ROBO2: variants seen among roughly 807,000 people sequenced by gnomAD.
The protein encoded by ROBO2 is roundabout guidance receptor 2.
Under a neutral mutation model 160.8 loss-of-function variants are expected in ROBO2, and 53 were observed. The observed-to-expected ratio is 0.33, with a 90% CI of 0.26 to 0.41. The LOEUF (loss-of-function observed/expected upper bound fraction) is 0.41, where lower values mean the gene tolerates loss of function less well. ROBO2 is among the 10% of genes least tolerant of loss of function. ROBO2 has a pLI of 1.00. For missense variants in ROBO2, 1,577 were observed against 1,722.4 expected (o/e 0.92, Z 1.49); for synonymous variants, 664 against 611.7 (o/e 1.09, Z -1.26).
intron 2 of ROBO2, among the ~76,000 whole-genome samples, chr3:76,590,720 AT>A (rs2086362605): frequency 6.6e-6 from 1 of 152,036 alleles, no homozygotes; most frequent in Non-Finnish European, 1.5e-5. Flanking sequence ...ATATTTTTTT[AT>A]TTATGTGGGT....
chr3:76,293,584 GA>G (rs997664512), intron 2 of ROBO2, among the ~76,000 whole-genome samples: 14 of 152,326 alleles, frequency 9.2e-5, no homozygotes, highest in African/African-American at 3.4e-4. Context: ...ACAGGGAGTA[GA>G]AGGGTAAGAC....
At chr3:77,454,365 C>T (rs1226183847) in intron 2 of ROBO2, among the ~76,000 whole-genome samples, 2 of 152,142 alleles carry the variant, frequency 1.3e-5, no homozygotes, top group African/African-American at 2.4e-5. Context: ...CTACACATTT[C>T]CACTGTCGTA....
At chr3:76,477,715 C>T (rs3849498) in intron 2 of ROBO2, among the ~76,000 whole-genome samples, 78,692 of 151,676 alleles carry the variant, frequency 0.52, 20,635 homozygotes, top group East Asian at 0.6. Flanking sequence ...TTCAAACTTC[C>T]AGACTCTCAT....
intron 2 of ROBO2, among the ~76,000 whole-genome samples, chr3:76,217,534 C>T (rs1293114379): frequency 6.6e-6 from 1 of 152,154 alleles, no homozygotes; most frequent in African/African-American, 2.4e-5. Context: ...ACTATAAAAA[C>T]CTCTACGCAA....
At chr3:76,168,858 A>C (rs548259379) in intron 2 of ROBO2, among the ~76,000 whole-genome samples, 1 of 151,886 alleles carries the variant, frequency 6.6e-6, no homozygotes, top group African/African-American at 2.4e-5. Context: ...GAAATTGTGA[A>C]TATTGATTGC....
At chr3:76,061,017 C>T (rs916973631) in intron 2 of ROBO2, among the ~76,000 whole-genome samples, 1 of 152,092 alleles carries the variant, frequency 6.6e-6, no homozygotes, top group African/African-American at 2.4e-5. Flanking sequence ...AAACTCCACT[C>T]GATTTCAGGA....
intron 8 of ROBO2, among the ~76,000 whole-genome samples, chr3:77,554,710 C>T (rs2093046951): frequency 6.6e-6 from 1 of 151,904 alleles, no homozygotes; most frequent in African/African-American, 2.4e-5. Flanking sequence ...GACTAAATGG[C>T]TACAGTCACA....
intron 2 of ROBO2, among the ~76,000 whole-genome samples, chr3:76,041,843 C>A (rs889962772): frequency 1.3e-5 from 2 of 151,822 alleles, no homozygotes; most frequent in African/African-American, 4.9e-5. Context: ...ATGATTTTGT[C>A]TGTAATGGCG....
At chr3:76,689,801 C>A (rs1411269809) in intron 2 of ROBO2, among the ~76,000 whole-genome samples, 1 of 152,110 alleles carries the variant, frequency 6.6e-6, no homozygotes, top group Non-Finnish European at 1.5e-5. Flanking sequence ...TTCCTCTTTG[C>A]CCATCCAGTT....
At chr3:76,116,587 G>A (rs1338898755) in intron 2 of ROBO2, among the ~76,000 whole-genome samples, 1 of 152,142 alleles carries the variant, frequency 6.6e-6, no homozygotes, top group East Asian at 1.9e-4. Flanking sequence ...CTGTGTAGGA[G>A]ATATTAAACA....
At chr3:76,892,993 C>A (rs55638112) in intron 2 of ROBO2, among the ~76,000 whole-genome samples, 46,376 of 151,996 alleles carry the variant, frequency 0.31, 7,722 homozygotes, top group Non-Finnish European at 0.36. Context: ...TGTGGCCAAC[C>A]TCCTACCTCA....
At chr3:76,167,529 G>C (rs1435196912) in intron 2 of ROBO2, among the ~76,000 whole-genome samples, 2 of 152,024 alleles carry the variant, frequency 1.3e-5, no homozygotes, top group Non-Finnish European at 2.9e-5. Flanking sequence ...GTCATATCAT[G>C]CACGTCATGC....
chr3:76,489,145 CT>C (rs1424456786), intron 2 of ROBO2, among the ~76,000 whole-genome samples: 2 of 111,364 alleles, frequency 1.8e-5, no homozygotes, highest in South Asian at 3.1e-4. Flanking sequence ...GTACTGACTT[CT>C]TTTTTTTGTT....
intron 2 of ROBO2, among the ~76,000 whole-genome samples, chr3:77,327,411 C>CTCTA (rs2065513236): frequency 1.3e-5 from 2 of 152,116 alleles, no homozygotes; most frequent in Admixed American, 1.3e-4. Context: ...AGAGAAAGAA[C>CTCTA]TAGATAAATA....
At chr3:77,011,032 C>CT (rs1211157797) in intron 2 of ROBO2, among the ~76,000 whole-genome samples, 1 of 114,498 alleles carries the variant, frequency 8.7e-6, no homozygotes, top group Non-Finnish European at 1.8e-5. Flanking sequence ...TCTGTCGGTT[C>CT]TTTCTTTTCT....
chr3:77,587,786 T>C (rs1378245596), intron 16 of ROBO2, among the ~76,000 whole-genome samples: 1 of 152,106 alleles, frequency 6.6e-6, no homozygotes, highest in African/African-American at 2.4e-5. Context: ...GTGCCATTTA[T>C]ATTTTGCTTA....
chr3:76,523,572 T>C (rs1374466127), intron 2 of ROBO2, among the ~76,000 whole-genome samples: 1 of 152,162 alleles, frequency 6.6e-6, no homozygotes. Context: ...TCCTCTTCTG[T>C]ATAGAGCTCA....
chr3:76,543,266 G>A (rs2082912493), intron 2 of ROBO2, among the ~76,000 whole-genome samples: 1 of 152,118 alleles, frequency 6.6e-6, no homozygotes, highest in Non-Finnish European at 1.5e-5. Flanking sequence ...AACCCACAAT[G>A]TGACTGTATT....
intron 2 of ROBO2, among the ~76,000 whole-genome samples, chr3:76,446,053 G>A (rs1197057747): frequency 6.6e-6 from 1 of 152,106 alleles, no homozygotes; most frequent in Non-Finnish European, 1.5e-5. Flanking sequence ...AATCAGGCAG[G>A]AGAAAGAAAT....
Sources: gnomAD v4.1 joint callset for allele counts (sites outside exome capture counted in the v4.1 genomes callset) on GRCh38, gnomAD v4.1.1 for gene constraint, MANE v1.5 for transcripts, NCBI Gene and HGNC (gene_info 2026-07-23, HGNC 2026-07-21) for gene names.